Variants in ADCY2 observed in about 807,000 individuals in gnomAD.
ADCY2 encodes adenylate cyclase 2, also known as adenylate cyclase type 2.
In ADCY2, 31 loss-of-function variants were observed where a neutral mutation model predicts 125.2. The ratio of observed to expected loss-of-function variants is 0.25; its 90% CI spans 0.19 to 0.33. The LOEUF (loss-of-function observed/expected upper bound fraction) is 0.33. Ranked by LOEUF, ADCY2 falls within the 10% of genes least tolerant of loss-of-function variation. The pLI is 1.00. For synonymous variants in ADCY2, 512 were observed against 548.4 expected (o/e 0.93, Z 0.93); for missense variants, 904 against 1,418.2 (o/e 0.64, Z 5.82).
At chr5:7,684,168 G>A (rs185467203) in intron 4 of ADCY2, among the ~76,000 whole-genome samples, 1 of 152,342 alleles carries the variant, frequency 6.6e-6, no homozygotes, top group Admixed American at 6.5e-5. Flanking sequence ...ACTTTATGGT[G>A]TGTGAGTGTG....
chr5:7,599,584 G>A (rs1737127073), intron 3 of ADCY2, among the ~76,000 whole-genome samples: 1 of 152,154 alleles, frequency 6.6e-6, no homozygotes, highest in Non-Finnish European at 1.5e-5. Flanking sequence ...TCTGAATTAT[G>A]GAAGGAAGGG....
chr5:7,673,239 CA>C (rs1197772883), intron 4 of ADCY2, among the ~76,000 whole-genome samples: 13 of 5,226 alleles, frequency 2.5e-3, no homozygotes, highest in African/African-American at 7.1e-3. Flanking sequence ...CTTGTCTCTC[CA>C]AAAAAAAAAA....
At chr5:7,717,866 C>G (rs772076864) in intron 12 of ADCY2, among the ~76,000 whole-genome samples, 14 of 152,166 alleles carry the variant, frequency 9.2e-5, no homozygotes, top group Non-Finnish European at 2.1e-4. Context: ...ATAACTGAAC[C>G]CATGCAGAGC....
At chr5:7,429,518 C>A (rs1297279237) in intron 2 of ADCY2, among the ~76,000 whole-genome samples, 1 of 152,148 alleles carries the variant, frequency 6.6e-6, no homozygotes, top group Non-Finnish European at 1.5e-5. Flanking sequence ...TTCTGGGCAA[C>A]AAAGTGTTGC....
At chr5:7,441,715 C>A in intron 2 of ADCY2, among the ~76,000 whole-genome samples, 1 of 152,126 alleles carries the variant, frequency 6.6e-6, no homozygotes. Flanking sequence ...ATTAAACACA[C>A]GTCTAGGTGT....
intron 3 of ADCY2, among the ~76,000 whole-genome samples, chr5:7,592,782 T>A (rs995391129): frequency 6.6e-6 from 1 of 152,164 alleles, no homozygotes; most frequent in Non-Finnish European, 1.5e-5. Context: ...GAACAAAAAC[T>A]GGGCTTCATC....
At chr5:7,763,617 C>A (rs908894663) in intron 16 of ADCY2, among the ~76,000 whole-genome samples, 1 of 152,262 alleles carries the variant, frequency 6.6e-6, no homozygotes, top group Middle Eastern at 3.4e-3. Flanking sequence ...TGTGCTGCTT[C>A]CTATTTCTAT....
chr5:7,594,909 G>T (rs905377219), intron 3 of ADCY2, among the ~76,000 whole-genome samples: 8 of 152,086 alleles, frequency 5.3e-5, no homozygotes, highest in African/African-American at 1.7e-4. Context: ...AAGGAAGAAC[G>T]GAGCCTCAAG....
chr5:7,654,269 C>A, intron 4 of ADCY2: 3 of 404,594 alleles, frequency 7.4e-6, no homozygotes, highest in East Asian at 1.4e-4. Context: ...TGGCCTGTGT[C>A]CTAACAAGAG....
At chr5:7,653,621 G>A (rs902971682) in intron 4 of ADCY2, among the ~76,000 whole-genome samples, 10 of 150,956 alleles carry the variant, frequency 6.6e-5, no homozygotes, top group African/African-American at 1.5e-4. Context: ...AAAAAAAAAC[G>A]TGAAGAATTT....
At chr5:7,470,982 T>C (rs1396962786) in intron 2 of ADCY2, among the ~76,000 whole-genome samples, 1 of 151,920 alleles carries the variant, frequency 6.6e-6, no homozygotes, top group African/African-American at 2.4e-5. Context: ...TTATGCCTTC[T>C]TCATGAATTT....
At chr5:7,663,035 A>C (rs1401199399) in intron 4 of ADCY2, among the ~76,000 whole-genome samples, 1 of 152,258 alleles carries the variant, frequency 6.6e-6, no homozygotes, top group African/African-American at 2.4e-5. Context: ...ACATCTGTTT[A>C]GTGTTGGATT....
At chr5:7,590,612 A>G (rs977246013) in intron 3 of ADCY2, among the ~76,000 whole-genome samples, 2 of 151,996 alleles carry the variant, frequency 1.3e-5, no homozygotes, top group African/African-American at 4.8e-5. Flanking sequence ...AGATACCTTA[A>G]TAGTTTAAGT....
intron 2 of ADCY2, among the ~76,000 whole-genome samples, chr5:7,515,787 G>A (rs1416500542): frequency 6.6e-6 from 1 of 152,164 alleles, no homozygotes; most frequent in East Asian, 1.9e-4. Context: ...GGGCACTGGG[G>A]TCTCGGCTAT....
chr5:7,683,881 C>T (rs893453733), intron 4 of ADCY2, among the ~76,000 whole-genome samples: 1 of 152,192 alleles, frequency 6.6e-6, no homozygotes, highest in Admixed American at 6.5e-5. Flanking sequence ...TTCTTATCTC[C>T]TTCTGTCAAT....
rs375438618 is a variant in ADCY2, at chr5:7,520,731, C to T, written c.409-7C>T. On this transcript the variant is annotated splice_region_variant and splice_polypyrimidine_tract_variant and intron_variant, in intron 2 of 24. Coordinates refer to ENST00000338316, the MANE Select transcript of ADCY2 (RefSeq NM_020546.3). ...TGACTCTTATTGTTCTTCTTCTCTG[C>T]CCGTAGGTATCGTTCTTCCTCTTCA... is the stretch of plus-strand genomic sequence containing the variant. 3.7e-6 allele frequency: 6 copies of T among 1,613,892 alleles called. No homozygotes were observed. The African/African-American group carries it at 6.7e-5, about 18-fold the overall frequency.
intron 22 of ADCY2, among the ~76,000 whole-genome samples, chr5:7,805,767 TGA>T (rs1744741423): frequency 6.6e-6 from 1 of 152,168 alleles, no homozygotes; most frequent in Admixed American, 6.5e-5. Context: ...AGGAATATCA[TGA>T]GAGGGTCCTA....
At chr5:7,717,094 A>T (rs1361798270) in intron 11 of ADCY2, 63 bp from the exon 12 acceptor site, 8 of 1,071,946 alleles carry the variant, frequency 7.5e-6, no homozygotes, top group Non-Finnish European at 9.8e-6. Flanking sequence ...ATCTCTAAAA[A>T]ATTGGCTTAA....
At chr5:7,414,810 T>C in intron 2 of ADCY2, 40 bp downstream of exon 2, 1 of 1,540,978 alleles carries the variant, frequency 6.5e-7, no homozygotes, top group Non-Finnish European at 8.8e-7. Flanking sequence ...TTTTATGTCT[T>C]GATTTGTGAC....
Sources: gnomAD v4.1 joint callset for allele counts (sites outside exome capture counted in the v4.1 genomes callset) on GRCh38, gnomAD v4.1.1 for gene constraint, MANE v1.5 for transcripts, NCBI Gene and HGNC (gene_info 2026-07-23, HGNC 2026-07-21) for gene names.